The following RPN1 variants were observed in gnomAD, a reference collection of about 807,000 sequenced individuals.
RPN1 encodes ribophorin I.
A neutral mutation model predicts 55.5 loss-of-function variants in RPN1; 12 were observed. The ratio of observed to expected loss-of-function variants is 0.22; its 90% CI spans 0.14 to 0.35. RPN1 has a LOEUF of 0.35. Among genes scored for constraint, RPN1 ranks in the 10% least tolerant of loss-of-function variants. The probability of loss-of-function intolerance (pLI) is 1.00; values close to 1 mark genes in which losing one functional copy is unlikely to be tolerated. For synonymous variants in RPN1, 317 were observed against 305.9 expected (o/e 1.04, Z -0.38); for missense variants, 679 against 761.3 (o/e 0.89, Z 1.27).
At chr3:128,625,240 A>G (rs1274938109) in intron 8 of RPN1, among the ~76,000 whole-genome samples, 1 of 152,108 alleles carries the variant, frequency 6.6e-6, no homozygotes, top group African/African-American at 2.4e-5. Flanking sequence ...CCACTGAATA[A>G]CAAGAAGCAA....
chr3:128,629,878 A>ACT, intron 5 of RPN1, 73 bp downstream of exon 5: 1 of 833,728 alleles, frequency 1.2e-6, no homozygotes, highest in African/African-American at 1.9e-5. Flanking sequence ...ATCTATAAAG[A>ACT]CTGATAATTG....
chr3:128,630,690 T>C (rs554491940), intron 4 of RPN1, among the ~76,000 whole-genome samples: 1 of 152,114 alleles, frequency 6.6e-6, no homozygotes, highest in Non-Finnish European at 1.5e-5. Context: ...AAACTGTATA[T>C]GCAATATGAT....
At chr3:128,635,797 T>TAC (rs1313685202) in intron 3 of RPN1, among the ~76,000 whole-genome samples, 41 of 150,256 alleles carry the variant, frequency 2.7e-4, no homozygotes, top group Non-Finnish European at 5.6e-4. Flanking sequence ...TAAGTGCACT[T>TAC]ATATATATAA....
At chr3:128,644,880 C>G in intron 2 of RPN1, 39 bp downstream of exon 2, 1 of 1,135,790 alleles carries the variant, frequency 8.8e-7, no homozygotes, top group Non-Finnish European at 1.3e-6. Flanking sequence ...CCTGACATAA[C>G]CTTTAACAAG....
rs927819832 is a variant in RPN1, at chr3:128,629,240, T to C, written c.1036+711A>G. On this transcript the variant is annotated intron_variant, in intron 5 of 9. Coordinates refer to ENST00000296255, the MANE Select transcript of RPN1 (RefSeq NM_002950.4). ...TATACATTTTTTGTATGGTTTTCTG[T>C]ATCTTATTTTTCAGTAAAAAGGTTT... Among the ~76,000 whole-genome samples, 15 of 152,228 alleles carry C rather than the reference T, an allele frequency of 9.9e-5. 2 individuals are homozygous for C. Among genetic ancestry groups the C allele is most frequent in the East Asian group, 3.9e-4 (2 of 5,174 alleles).
rs774418413 is a variant in RPN1, at chr3:128,650,813, C to A, written c.-13G>T. 6 of 1,503,288 alleles carry A rather than the reference C, an allele frequency of 4.0e-6. No homozygotes were observed. In the Admixed American group the frequency reaches 1.1e-4, roughly 27 times the overall value. The allele number at this position is 1,503,288 out of a possible 1,614,324, so 93.1% of individuals were successfully genotyped here. A position where few individuals can be genotyped will look rare whatever the true frequency, so the allele number is the denominator to read the frequency against. On this transcript the variant is annotated 5_prime_UTR_variant, in exon 1 of 10. Transcript: ENST00000296255. ...CTGGCGCCTCCATGACCGGGAAGAG[C>A]AGTGCGCCAGGGCGGGTAGGGCCCG...
At position 128,621,320 on chromosome 3, in the gene RPN1, G is replaced by C. The variant is rs189347931; in HGVS notation, c.1642-727C>G. ...GGGCTCAGGAGTTCAAGACCAGCCTGGGCAACATGGCGAAACCCCATCTCT... is the reference window on the plus strand; with the variant it reads ...GGGCTCAGGAGTTCAAGACCAGCCTCGGCAACATGGCGAAACCCCATCTCT... On this transcript the variant is annotated intron_variant, in intron 9 of 9. Transcript: ENST00000296255. 3.9e-4 allele frequency among the ~76,000 whole-genome samples: 59 copies of C among 152,290 alleles called. 1 individual carries two copies. The highest frequency in any genetic ancestry group is 1.0e-3 in the Admixed American group (16 of 15,294).
At chr3:128,646,547 C>A (rs908606063) in intron 1 of RPN1, among the ~76,000 whole-genome samples, 3 of 151,670 alleles carry the variant, frequency 2.0e-5, no homozygotes, top group Non-Finnish European at 4.4e-5. Flanking sequence ...ATTAGCTGGG[C>A]GTGGTGGCAG....
At chr3:128,636,334 AC>A (rs1451086229) in intron 3 of RPN1, among the ~76,000 whole-genome samples, 1 of 151,968 alleles carries the variant, frequency 6.6e-6, no homozygotes, top group Non-Finnish European at 1.5e-5. Flanking sequence ...GGTAGCGGGC[AC>A]CTGTAATCCC....
intron 9 of RPN1, among the ~76,000 whole-genome samples, chr3:128,621,660 G>A (rs528248451): frequency 2.8e-4 from 43 of 152,272 alleles, no homozygotes; most frequent in South Asian, 2.1e-3. Flanking sequence ...CTTGTATCAG[G>A]ACAGGGTTCT....
At chr3:128,649,378 T>C (rs1440062361) in intron 1 of RPN1, among the ~76,000 whole-genome samples, 2 of 152,208 alleles carry the variant, frequency 1.3e-5, no homozygotes, top group Admixed American at 6.6e-5. Flanking sequence ...GGATTTAACA[T>C]TCAAGACATT....
chr3:128,620,082 CAG>C lies in RPN1; in HGVS notation c.*327_*328del, dbSNP rs914278831. 41 of 231,570 alleles carry C rather than the reference CAG, an allele frequency of 1.8e-4. No individual in the cohort carries two copies. The highest frequency in any genetic ancestry group is 7.4e-4 in the African/African-American group (32 of 43,330). 14.3% of individuals were successfully genotyped at this position (231,570 alleles called of 1,614,324 possible). A position where few individuals can be genotyped will look rare whatever the true frequency, so the allele number is the denominator to read the frequency against. ...ACATCAGAATTAGAAGGGCATAAAA[CAG>C]GGGGCTTTATAGGCTGAAAAATATC... On this transcript the variant is annotated 3_prime_UTR_variant, in exon 10 of 10. Coordinates refer to ENST00000296255, the MANE Select transcript of RPN1 (RefSeq NM_002950.4).
intron 5 of RPN1, chr3:128,627,073 A>C: frequency 2.0e-6 from 1 of 489,804 alleles, no homozygotes; most frequent in Non-Finnish European, 3.7e-6. Context: ...GTGTCTGTGA[A>C]GGAGAACGCA....
chr3:128,635,529 A>G (rs1471632402), intron 3 of RPN1, among the ~76,000 whole-genome samples: 3 of 151,144 alleles, frequency 2.0e-5, no homozygotes, highest in Non-Finnish European at 4.4e-5. Flanking sequence ...TTGAACTCCT[A>G]GCTTCAAGTG....
chr3:128,623,936 G>C (rs2069579247), intron 8 of RPN1, among the ~76,000 whole-genome samples: 1 of 151,784 alleles, frequency 6.6e-6, no homozygotes, highest in African/African-American at 2.4e-5. Flanking sequence ...ACTATTCAAG[G>C]GTAAAGGGGC....
rs1293193160 is a variant in RPN1 at position 128,644,780 on chromosome 3, TA to T, written c.326+138del. The stretch of plus-strand genomic sequence containing the variant: ...TCAAGACCAGCCTGGGCAACATAGC[TA>T]GACCTCCTCTCTACAAAAAAAAAAC... On this transcript the variant is annotated intron_variant, in intron 2 of 9. Coordinates refer to ENST00000296255, the MANE Select transcript of RPN1 (RefSeq NM_002950.4). 1.1e-4 allele frequency: 74 copies of T among 649,920 alleles called. No homozygotes were observed. The African/African-American group carries it at 1.3e-3, about 11-fold the overall frequency. 40.3% of individuals were successfully genotyped at this position (649,920 alleles called of 1,614,324 possible). A position where few individuals can be genotyped will look rare whatever the true frequency, so the allele number is the denominator to read the frequency against.
intron 4 of RPN1, 123 bp from the exon 5 acceptor site, chr3:128,630,266 C>G (rs2069631926): frequency 1.8e-6 from 1 of 554,820 alleles, no homozygotes; most frequent in East Asian, 3.1e-5. Flanking sequence ...AAATAGTCCC[C>G]AAACATAAAC....
chr3:128,637,554 T>C (rs559768521), intron 3 of RPN1, among the ~76,000 whole-genome samples: 4 of 152,062 alleles, frequency 2.6e-5, no homozygotes, highest in African/African-American at 9.7e-5. Flanking sequence ...TGGAATGCCT[T>C]GCTTCCATCT....
intron 3 of RPN1, 39 bp from the exon 4 acceptor site, chr3:128,632,196 C>T: frequency 1.9e-6 from 3 of 1,587,538 alleles, no homozygotes; most frequent in South Asian, 1.1e-5. Flanking sequence ...GTTTTGGCAA[C>T]AGAGAATGCA....
Sources: allele counts gnomAD v4.1 joint callset (sites outside exome capture counted in the v4.1 genomes callset), GRCh38; gene constraint gnomAD v4.1.1; transcripts MANE v1.5; gene names NCBI Gene and HGNC (gene_info 2026-07-23, HGNC 2026-07-21).